The following LRRTM4 variants were observed in gnomAD, a reference collection of about 807,000 sequenced individuals.
The protein encoded by LRRTM4 is leucine rich repeat transmembrane neuronal 4.
Under a neutral mutation model 47.6 loss-of-function variants are expected in LRRTM4, and 25 were observed. That is an observed-to-expected ratio of 0.53 (90% CI 0.38 to 0.73). The LOEUF is 0.73. Ranked by LOEUF, LRRTM4 falls within the 30% of genes least tolerant of loss-of-function variation. The probability of loss-of-function intolerance (pLI) is 0.00; values close to 1 mark genes in which losing one functional copy is unlikely to be tolerated. For synonymous variants in LRRTM4, 311 were observed against 269.5 expected, an observed-to-expected ratio of 1.15 and a Z score of -1.51; for missense variants, 638 against 713.4, an observed-to-expected ratio of 0.89 and a Z score of 1.20.
intron 3 of LRRTM4, among the ~76,000 whole-genome samples, chr2:77,408,145 G>C (rs151307021): frequency 1.6e-4 from 25 of 152,122 alleles, no homozygotes; most frequent in African/African-American, 6.0e-4. Context: ...ATCAGTTTTT[G>C]GCACAGATAC....
At chr2:77,449,923 G>A (rs1676192352) in intron 3 of LRRTM4, among the ~76,000 whole-genome samples, 1 of 152,052 alleles carries the variant, frequency 6.6e-6, no homozygotes, top group Admixed American at 6.6e-5. Context: ...TCTTGCTTTT[G>A]GCAATAAACC....
chr2:77,450,979 T>A (rs1676233591), intron 3 of LRRTM4, among the ~76,000 whole-genome samples: 1 of 152,192 alleles, frequency 6.6e-6, no homozygotes, highest in South Asian at 2.1e-4. Flanking sequence ...AAGTATAACT[T>A]TCCAACTTAT....
In LRRTM4 at chr2:77,381,834, T is replaced by C. The variant is rs368177861; in HGVS notation, c.1551+136484A>G. On this transcript the variant is annotated intron_variant, in intron 3 of 3. Transcript: ENST00000409884. ...TAAAAAGTATATGACACTAATCTTA[T>C]ATCCTTATGACAGGATAATGTATTT... is the stretch of plus-strand genomic sequence containing the variant. Among the ~76,000 whole-genome samples the C allele has an allele frequency of 4.1e-4, 63 of 152,212 alleles. 1 individual carries two copies. The South Asian group carries it at 0.011, about 27-fold the overall frequency.
intron 3 of LRRTM4, among the ~76,000 whole-genome samples, chr2:77,506,656 T>C (rs564787688): frequency 6.6e-6 from 1 of 152,036 alleles, no homozygotes; most frequent in East Asian, 1.9e-4. Context: ...TAAAAAGTTA[T>C]ATATTTTTGA....
At chr2:77,499,137 A>G (rs185575666) in intron 3 of LRRTM4, among the ~76,000 whole-genome samples, 1 of 151,844 alleles carries the variant, frequency 6.6e-6, no homozygotes, top group African/African-American at 2.4e-5. Context: ...ATATCTGGAG[A>G]CACCATTGGT....
chr2:77,426,042 G>A (rs1319721109), intron 3 of LRRTM4, among the ~76,000 whole-genome samples: 2 of 151,154 alleles, frequency 1.3e-5, no homozygotes, highest in African/African-American at 2.4e-5. Flanking sequence ...CTTGAACCTG[G>A]AAGGCCAAGT....
intron 3 of LRRTM4, among the ~76,000 whole-genome samples, chr2:77,291,351 A>T (rs1209960693): frequency 6.6e-6 from 1 of 152,148 alleles, no homozygotes; most frequent in African/African-American, 2.4e-5. Context: ...GTGAGAAATC[A>T]ACAAAGATCT....
At chr2:77,321,550 G>T (rs1209893300) in intron 3 of LRRTM4, among the ~76,000 whole-genome samples, 1 of 89,352 alleles carries the variant, frequency 1.1e-5, no homozygotes, top group Non-Finnish European at 1.9e-5. Flanking sequence ...GCTAAATCGG[G>T]GAGGGGGGGG....
intron 3 of LRRTM4, among the ~76,000 whole-genome samples, chr2:77,181,758 G>A (rs1276536299): frequency 2.0e-5 from 3 of 152,028 alleles, no homozygotes; most frequent in African/African-American, 4.8e-5. Flanking sequence ...AGCAGTAGAT[G>A]TTTAGGAGGG....
At chr2:77,048,448 G>A (rs181373916) in intron 3 of LRRTM4, among the ~76,000 whole-genome samples, 39 of 152,098 alleles carry the variant, frequency 2.6e-4, no homozygotes, top group African/African-American at 8.2e-4. Flanking sequence ...TTGTGTTACA[G>A]CTTCTTAATA....
intron 3 of LRRTM4, among the ~76,000 whole-genome samples, chr2:77,224,308 T>G (rs1315809772): frequency 6.6e-6 from 1 of 152,108 alleles, no homozygotes; most frequent in Non-Finnish European, 1.5e-5. Context: ...GGGCAAGGAC[T>G]TCATGTCTAA....
chr2:77,432,778 G>C (rs1473448342), intron 3 of LRRTM4, among the ~76,000 whole-genome samples: 1 of 152,194 alleles, frequency 6.6e-6, no homozygotes, highest in Non-Finnish European at 1.5e-5. Flanking sequence ...TATACCCCAA[G>C]AAAGCTTTGG....
At chr2:77,510,858 T>C (rs553828010) in intron 3 of LRRTM4, among the ~76,000 whole-genome samples, 6 of 152,188 alleles carry the variant, frequency 3.9e-5, no homozygotes, top group African/African-American at 1.4e-4. Flanking sequence ...GTCATAAGTT[T>C]TGACATTATA....
At chr2:77,246,281 G>A (rs1162814947) in intron 3 of LRRTM4, among the ~76,000 whole-genome samples, 1 of 152,076 alleles carries the variant, frequency 6.6e-6, no homozygotes, top group Non-Finnish European at 1.5e-5. Context: ...TTGGGAATTA[G>A]ACAAAGTACT....
At chr2:77,224,401 A>G (rs976508839) in intron 3 of LRRTM4, among the ~76,000 whole-genome samples, 2 of 152,214 alleles carry the variant, frequency 1.3e-5, no homozygotes, top group African/African-American at 4.8e-5. Context: ...AGCAAAAGAA[A>G]CTACCATCAG....
chr2:77,060,347 T>C (rs563482303), intron 3 of LRRTM4, among the ~76,000 whole-genome samples: 2 of 152,292 alleles, frequency 1.3e-5, no homozygotes, highest in East Asian at 3.9e-4. Flanking sequence ...AATATAAAGA[T>C]GCTATTGGCT....
chr2:77,237,533 A>G (rs73943635), intron 3 of LRRTM4, among the ~76,000 whole-genome samples: 4,750 of 152,090 alleles, frequency 0.031, 269 homozygotes, highest in African/African-American at 0.11. Context: ...CTTTGTATGG[A>G]AGTTTGGGTC....
chr2:77,468,719 A>G (rs763976184), intron 3 of LRRTM4, among the ~76,000 whole-genome samples: 4 of 152,072 alleles, frequency 2.6e-5, no homozygotes, highest in Non-Finnish European at 4.4e-5. Context: ...AGGGCATCAC[A>G]TACTACCCTG....
At chr2:77,215,360 T>G (rs1446436239) in intron 3 of LRRTM4, among the ~76,000 whole-genome samples, 1 of 152,184 alleles carries the variant, frequency 6.6e-6, no homozygotes, top group East Asian at 1.9e-4. Context: ...GCTTCATTAA[T>G]GAGAAGAGTA....
Sources: gnomAD v4.1 joint callset for allele counts (sites outside exome capture counted in the v4.1 genomes callset) on GRCh38, gnomAD v4.1.1 for gene constraint, MANE v1.5 for transcripts, NCBI Gene and HGNC (gene_info 2026-07-23, HGNC 2026-07-21) for gene names.